XKR9: variants seen among roughly 807,000 people sequenced by gnomAD.
XKR9 encodes XK related 9.
In XKR9, 32 loss-of-function variants were observed where a neutral mutation model predicts 32.0. The observed-to-expected ratio is 1.00, with a 90% CI of 0.76 to 1.34. XKR9 has a LOEUF of 1.34. XKR9 is among the 40% of genes most tolerant of loss of function. XKR9 has a pLI of 0.00. For missense variants in XKR9, 546 were observed against 429.7 expected (o/e 1.27, Z -2.39); for synonymous variants, 168 against 143.4 (o/e 1.17, Z -1.22).
the XKR9 span, among the ~76,000 whole-genome samples, chr8:71,012,908 C>T: frequency 1.1e-4 from 17 of 152,224 alleles, no homozygotes; most frequent in African/African-American, 2.4e-4. Context: ...GAGAAAAAGA[C>T]GGTACTTACC....
chr8:70,728,027 A>T (rs896467710), intron 4 of XKR9, among the ~76,000 whole-genome samples: 4 of 152,200 alleles, frequency 2.6e-5, no homozygotes, highest in Non-Finnish European at 5.9e-5. Context: ...CTACAAAGGC[A>T]GTCTAATCTC....
the XKR9 span, among the ~76,000 whole-genome samples, chr8:70,871,438 GT>G: frequency 6.6e-6 from 1 of 152,046 alleles, no homozygotes; most frequent in African/African-American, 2.4e-5. Flanking sequence ...CTCACTTTGT[GT>G]CTCTGTGTCA....
the XKR9 span, among the ~76,000 whole-genome samples, chr8:71,002,602 C>T: frequency 2.6e-4 from 39 of 152,120 alleles, no homozygotes; most frequent in Non-Finnish European, 4.3e-4. Flanking sequence ...TTTATTGATA[C>T]TATTGTAACT....
the XKR9 span, among the ~76,000 whole-genome samples, chr8:70,992,973 C>G: frequency 6.6e-6 from 1 of 152,216 alleles, no homozygotes; most frequent in Non-Finnish European, 1.5e-5. Flanking sequence ...TCAATCTCTT[C>G]CCTTTGTTCT....
At chr8:70,720,847 A>C (rs797012365) in intron 4 of XKR9, among the ~76,000 whole-genome samples, 6 of 152,092 alleles carry the variant, frequency 3.9e-5, no homozygotes, top group African/African-American at 1.4e-4. Flanking sequence ...CCTCTTTTCT[A>C]TTGTTTGGAA....
downstream of XKR9, among the ~76,000 whole-genome samples, chr8:70,794,896 A>G (rs1445714675): frequency 1.3e-5 from 2 of 151,640 alleles, no homozygotes; most frequent in African/African-American, 4.8e-5. Context: ...TCCTCACACA[A>G]TAAACTAGAA....
the XKR9 span, among the ~76,000 whole-genome samples, chr8:70,840,741 C>T: frequency 6.6e-6 from 1 of 152,074 alleles, no homozygotes; most frequent in Non-Finnish European, 1.5e-5. Context: ...GTGTGCTTGA[C>T]TAAGATTAAT....
At chr8:71,065,558 A>G in the XKR9 span, among the ~76,000 whole-genome samples, 1 of 152,252 alleles carries the variant, frequency 6.6e-6, no homozygotes, top group Non-Finnish European at 1.5e-5. Flanking sequence ...ACAGGGTGTG[A>G]GGTGGCTTCC....
the XKR9 span, among the ~76,000 whole-genome samples, chr8:70,955,616 G>A: frequency 2.1e-4 from 32 of 152,284 alleles, 1 homozygote; most frequent in South Asian, 6.0e-3. Context: ...TTTTCCATCT[G>A]GAAACCTGTG....
intron 3 of XKR9, among the ~76,000 whole-genome samples, chr8:70,688,575 C>T (rs1447459276): frequency 1.3e-5 from 2 of 152,090 alleles, no homozygotes; most frequent in Non-Finnish European, 2.9e-5. Flanking sequence ...CGCCACCACG[C>T]CTGGCTAATT....
chr8:71,029,935 AG>A, the XKR9 span, among the ~76,000 whole-genome samples: 1 of 151,876 alleles, frequency 6.6e-6, no homozygotes, highest in African/African-American at 2.4e-5. Context: ...GCAACCTCAT[AG>A]TAGAGTGATG....
the XKR9 span, among the ~76,000 whole-genome samples, chr8:70,802,440 C>G: frequency 1.3e-5 from 2 of 152,194 alleles, no homozygotes; most frequent in Non-Finnish European, 2.9e-5. Flanking sequence ...CAACTTGCCA[C>G]TCTATGCCTT....
chr8:71,008,738 C>T, the XKR9 span, among the ~76,000 whole-genome samples: 1 of 152,148 alleles, frequency 6.6e-6, no homozygotes, highest in African/African-American at 2.4e-5. Flanking sequence ...GCAATCCTTC[C>T]TCCTCAGCCT....
chr8:70,687,752 G>T (rs1411690283), intron 3 of XKR9, among the ~76,000 whole-genome samples: 1 of 151,754 alleles, frequency 6.6e-6, no homozygotes, highest in Non-Finnish European at 1.5e-5. Flanking sequence ...CAAATATTTG[G>T]GTCTTTTGTA....
the XKR9 span, among the ~76,000 whole-genome samples, chr8:70,996,717 A>G: frequency 9.9e-5 from 15 of 152,226 alleles, no homozygotes; most frequent in Non-Finnish European, 8.8e-5. Context: ...TTGAGGAAAC[A>G]GTAAACAGTA....
intron 3 of XKR9, among the ~76,000 whole-genome samples, chr8:70,700,167 C>T (rs1414830796): frequency 6.6e-6 from 1 of 152,120 alleles, no homozygotes; most frequent in African/African-American, 2.4e-5. Context: ...CGTCTGAAGC[C>T]TTCTTCTCTC....
chr8:71,016,258 A>G, the XKR9 span, among the ~76,000 whole-genome samples: 5 of 152,172 alleles, frequency 3.3e-5, no homozygotes, highest in Non-Finnish European at 7.4e-5. Context: ...AGAAGATCAA[A>G]TTACAACTGA....
the XKR9 span, among the ~76,000 whole-genome samples, chr8:70,912,476 A>G: frequency 6.6e-6 from 1 of 152,074 alleles, no homozygotes; most frequent in African/African-American, 2.4e-5. Context: ...ATGAGAGAGG[A>G]CAGAATCAAG....
the XKR9 span, among the ~76,000 whole-genome samples, chr8:71,046,359 G>T: frequency 6.6e-6 from 1 of 152,124 alleles, no homozygotes; most frequent in African/African-American, 2.4e-5. Context: ...CCCTTTGTGT[G>T]GACAGTATTT....
Sources: allele counts gnomAD v4.1 joint callset (sites outside exome capture counted in the v4.1 genomes callset), GRCh38; gene constraint gnomAD v4.1.1; transcripts MANE v1.5; gene names NCBI Gene and HGNC (gene_info 2026-07-23, HGNC 2026-07-21).